Variants in PTPRT observed in about 807,000 individuals in gnomAD.
PTPRT encodes protein tyrosine phosphatase receptor type T, also known as receptor-type tyrosine-protein phosphatase T.
In PTPRT, 56 loss-of-function variants were observed where a neutral mutation model predicts 176.8. The ratio of observed to expected loss-of-function variants is 0.32; its 90% CI spans 0.26 to 0.40. The LOEUF is 0.40. Among genes scored for constraint, PTPRT ranks in the 10% least tolerant of loss-of-function variants. PTPRT has a pLI of 1.00. For missense variants in PTPRT, 1,540 were observed against 1,908.2 expected, an observed-to-expected ratio of 0.81 and a Z score of 3.60; for synonymous variants, 783 against 739.0, an observed-to-expected ratio of 1.06 and a Z score of -0.96.
At chr20:42,208,491 A>T (rs1005097850) in intron 15 of PTPRT, among the ~76,000 whole-genome samples, 2 of 152,114 alleles carry the variant, frequency 1.3e-5, no homozygotes, top group African/African-American at 2.4e-5. Flanking sequence ...AGGGGTTGCA[A>T]TCCTAGTCTC....
At chr20:42,972,000 T>C (rs1181216051) in intron 1 of PTPRT, among the ~76,000 whole-genome samples, 1 of 151,486 alleles carries the variant, frequency 6.6e-6, no homozygotes, top group Non-Finnish European at 1.5e-5. Flanking sequence ...ATAAGCAAAA[T>C]ATCAGAAAGT....
At chr20:42,963,626 A>G (rs1322479533) in intron 1 of PTPRT, among the ~76,000 whole-genome samples, 1 of 151,994 alleles carries the variant, frequency 6.6e-6, no homozygotes, top group Non-Finnish European at 1.5e-5. Context: ...ACTTTAAATA[A>G]TAATTATTAA....
chr20:42,068,641 T>C (rs1364723896), downstream of PTPRT, among the ~76,000 whole-genome samples: 1 of 152,234 alleles, frequency 6.6e-6, no homozygotes, highest in African/African-American at 2.4e-5. Flanking sequence ...TCTCTGAGGC[T>C]TCTTTGCATC....
chr20:43,187,301 C>T (rs4812689), intron 1 of PTPRT, among the ~76,000 whole-genome samples: 99,178 of 151,954 alleles, frequency 0.65, 35,512 homozygotes, highest in Non-Finnish European at 0.8. Flanking sequence ...TCCAAACTTG[C>T]CAAAAGTTTT....
At position 42,315,782 on chromosome 20, in the gene PTPRT, G is replaced by A. The variant is rs2057711799; in HGVS notation, c.2080C>T (p.Pro694Ser). 6.2e-7 allele frequency: 1 copy of A among 1,614,108 alleles called. No individual in the cohort carries two copies. The highest frequency in any genetic ancestry group is 2.2e-5 in the East Asian group (1 of 44,878). Residue 694 changes from proline (P) to serine (S), a missense_variant, in exon 12 of 31, where the codon CCT becomes TCT. Pro to Ser is a moderately conservative substitution (Grantham distance 74). Coordinates refer to ENST00000373187, the MANE Select transcript of PTPRT (RefSeq NM_007050.6). ...NKTYNGYWNPPLSPLKSYSIY... is the reference protein window; with the variant it reads ...NKTYNGYWNPSLSPLKSYSIY... ...CTGTAGCTTTTCAGGGGAGAGAGAG[G>A]AGGGTTCCAGTAGCCATTGTATGTC... is the stretch of plus-strand genomic sequence containing the variant.
intron 1 of PTPRT, among the ~76,000 whole-genome samples, chr20:42,899,861 A>G (rs1461964977): frequency 6.6e-6 from 1 of 152,232 alleles, no homozygotes; most frequent in African/African-American, 2.4e-5. Context: ...GAGTCAGAAG[A>G]AAATTTCTGA....
intron 5 of PTPRT, among the ~76,000 whole-genome samples, chr20:42,770,992 C>G (rs1435624072): frequency 2.6e-5 from 4 of 152,226 alleles, no homozygotes; most frequent in Non-Finnish European, 5.9e-5. Context: ...TCTCCCTTCC[C>G]TGTACACACC....
chr20:42,962,815 C>T (rs1048167759), intron 1 of PTPRT, among the ~76,000 whole-genome samples: 1 of 152,172 alleles, frequency 6.6e-6, no homozygotes, highest in East Asian at 1.9e-4. Context: ...CGCCTGTACT[C>T]CCAACACTTT....
At chr20:42,557,744 T>C (rs1403229504) in intron 7 of PTPRT, among the ~76,000 whole-genome samples, 3 of 151,712 alleles carry the variant, frequency 2.0e-5, no homozygotes, top group Admixed American at 2.0e-4. Context: ...AATGGTTGAG[T>C]TTCCTATGTA....
At chr20:42,921,313 A>C (rs1005596310) in intron 1 of PTPRT, among the ~76,000 whole-genome samples, 6 of 152,246 alleles carry the variant, frequency 3.9e-5, no homozygotes, top group Non-Finnish European at 7.3e-5. Context: ...TGAGGCCAGG[A>C]GTCCAAGACA....
At chr20:42,199,487 C>A (rs1309693267) in intron 15 of PTPRT, 99 bp from the exon 16 acceptor site, 11 of 1,337,550 alleles carry the variant, frequency 8.2e-6, no homozygotes, top group African/African-American at 2.9e-5. Context: ...ATCCTCAACC[C>A]CCAAATCTGG....
chr20:42,125,271 A>G (rs1382863108), intron 19 of PTPRT, among the ~76,000 whole-genome samples: 1 of 152,230 alleles, frequency 6.6e-6, no homozygotes, highest in Non-Finnish European at 1.5e-5. Context: ...GATACTTTAC[A>G]TCAGTAATTG....
intron 7 of PTPRT, among the ~76,000 whole-genome samples, chr20:42,483,196 C>T (rs948944393): frequency 2.0e-5 from 3 of 152,126 alleles, no homozygotes; most frequent in Admixed American, 1.3e-4. Context: ...GAGACAGTCT[C>T]GCTCTGTCAC....
chr20:42,542,424 A>G (rs1012203193), intron 7 of PTPRT, among the ~76,000 whole-genome samples: 1 of 152,176 alleles, frequency 6.6e-6, no homozygotes, highest in African/African-American at 2.4e-5. Context: ...ACTCATAAAC[A>G]TTTGAAAAGA....
chr20:42,737,511 A>C (rs2076557386), intron 6 of PTPRT, among the ~76,000 whole-genome samples: 1 of 152,078 alleles, frequency 6.6e-6, no homozygotes, highest in Non-Finnish European at 1.5e-5. Flanking sequence ...GGAGTCTGTA[A>C]TCCCAGCTAC....
At chr20:42,996,330 A>G (rs1984221055) in intron 1 of PTPRT, among the ~76,000 whole-genome samples, 1 of 152,224 alleles carries the variant, frequency 6.6e-6, no homozygotes, top group Non-Finnish European at 1.5e-5. Flanking sequence ...CACTCCAAGC[A>G]GTTACATTGG....
chr20:42,446,615 TGTGTGTGA>T lies in PTPRT; in HGVS notation c.1560+1597_1560+1604del, dbSNP rs1300331433. On this transcript the variant is annotated intron_variant, in intron 9 of 30. Coordinates refer to ENST00000373187, the MANE Select transcript of PTPRT (RefSeq NM_007050.6). ...GTGTGTGTGTGTGTGTGTGTGTGTGTGTGTGTGAGAGAGAGAGAGAGATTGTGGTTTCT... is the reference window on the plus strand; with the variant it reads ...GTGTGTGTGTGTGTGTGTGTGTGTGTGAGAGAGAGAGAGATTGTGGTTTCT... Among the ~76,000 whole-genome samples the T allele has an allele frequency of 5.7e-4, 84 of 148,248 alleles. 1 individual carries two copies. Among genetic ancestry groups the T allele is most frequent in the African/African-American group, 2.0e-3 (78 of 39,178 alleles).
intron 24 of PTPRT, 137 bp from the exon 25 acceptor site, chr20:42,104,855 T>G: frequency 1.0e-6 from 1 of 997,888 alleles, no homozygotes; most frequent in Non-Finnish European, 1.4e-6. Context: ...CTTTTTATAC[T>G]GTAACCCAAA....
At chr20:42,913,958 C>A (rs796550627) in intron 1 of PTPRT, among the ~76,000 whole-genome samples, 2 of 152,316 alleles carry the variant, frequency 1.3e-5, no homozygotes, top group South Asian at 2.1e-4. Context: ...CATATTAATT[C>A]ATTCCCTAAT....
Sources: gnomAD v4.1 joint callset for allele counts (sites outside exome capture counted in the v4.1 genomes callset) on GRCh38, gnomAD v4.1.1 for gene constraint, MANE v1.5 for transcripts, NCBI Gene and HGNC (gene_info 2026-07-23, HGNC 2026-07-21) for gene names.